ZNF385C: variants seen among roughly 807,000 people sequenced by gnomAD.
ZNF385C encodes CTD-2132N18.2.
Under a neutral mutation model 35.4 loss-of-function variants are expected in ZNF385C, and 28 were observed. The ratio of observed to expected loss-of-function variants is 0.79; its 90% CI spans 0.59 to 1.08. The LOEUF (loss-of-function observed/expected upper bound fraction) is 1.08, where lower values mean the gene tolerates loss of function less well. Among genes scored for constraint, ZNF385C ranks in the 50% least tolerant of loss-of-function variants. ZNF385C has a pLI of 0.00. For missense variants in ZNF385C, 605 were observed against 595.6 expected (o/e 1.02, Z -0.16); for synonymous variants, 248 against 248.2 (o/e 1.00, Z 0.01).
chr17:42,063,030 T>C lies in ZNF385C; in HGVS notation c.27A>G (p.Pro9=), dbSNP rs1250570258. 2 of 667,508 alleles carry C rather than the reference T, an allele frequency of 3.0e-6. No homozygotes were observed. The allele number at this position is 667,508 out of a possible 1,614,324, so 41.3% of individuals were successfully genotyped here. The change falls in exon 2 of 9, where the codon CCA becomes CCG. Residue 9 remains proline (P), a synonymous_variant. Transcript: ENST00000692273. Reference sequence around the variant, plus strand: ...ATATGGGGGTCTCCTTCTCAGCCGGTGGGGGTGGGCTCAGTGGCCGCTTCA... The same window carrying C: ...ATATGGGGGTCTCCTTCTCAGCCGGCGGGGGTGGGCTCAGTGGCCGCTTCA... MKRPLSPP[P]PAEKETPISG...
At chr17:42,030,797 T>A (rs1555654922) in intron 5 of ZNF385C, among the ~76,000 whole-genome samples, 1 of 152,008 alleles carries the variant, frequency 6.6e-6, no homozygotes, top group Non-Finnish European at 1.5e-5. Context: ...AAAGAGCTTG[T>A]GGAAACACAG....
chr17:42,055,143 C>A (rs2053353026), intron 2 of ZNF385C, among the ~76,000 whole-genome samples: 1 of 152,192 alleles, frequency 6.6e-6, no homozygotes, highest in Non-Finnish European at 1.5e-5. Context: ...AGACAATAAC[C>A]TGTAATCTCT....
At chr17:42,035,754 T>C (rs1555655385) in intron 3 of ZNF385C, among the ~76,000 whole-genome samples, 1 of 151,812 alleles carries the variant, frequency 6.6e-6, no homozygotes, top group African/African-American at 2.4e-5. Context: ...GGTTTCACCA[T>C]GTTGGCCAGG....
At chr17:42,096,336 G>A (rs1215978538) in intron 1 of ZNF385C, among the ~76,000 whole-genome samples, 1 of 152,238 alleles carries the variant, frequency 6.6e-6, no homozygotes, top group Non-Finnish European at 1.5e-5. Flanking sequence ...CAGAGTCACA[G>A]GTATGGAGAA....
chr17:42,044,461 A>C (rs1246967861), intron 2 of ZNF385C, among the ~76,000 whole-genome samples: 1 of 151,980 alleles, frequency 6.6e-6, no homozygotes, highest in African/African-American at 2.4e-5. Flanking sequence ...TACTAAAGGT[A>C]ACAAAATTAG....
intron 3 of ZNF385C, 143 bp downstream of exon 3, chr17:42,037,594 G>A: frequency 9.8e-7 from 1 of 1,022,422 alleles, no homozygotes; most frequent in Non-Finnish European, 1.4e-6. Context: ...TCCCTATTTG[G>A]GGAGCACCTA....
chr17:42,063,640 G>A (rs893046889), intron 1 of ZNF385C, among the ~76,000 whole-genome samples: 5 of 152,196 alleles, frequency 3.3e-5, no homozygotes, highest in Admixed American at 2.6e-4. Context: ...CTGGGGACTC[G>A]GAGGGCCGCA....
rs1555654670 is a variant in ZNF385C, at chr17:42,028,909, C to T, written c.841G>A (p.Glu281Lys). The T allele has an allele frequency of 2.6e-6, 4 of 1,550,466 alleles. No homozygotes were observed. The highest frequency in any genetic ancestry group is 2.6e-6 in the Non-Finnish European group (3 of 1,147,010). ...PEPGREAPGPEPAAAAVGSSM... is the reference protein window; with the variant it reads ...PEPGREAPGPKPAAAAVGSSM... ...CTTCCCACGGCAGCTGCCGCTGGCT[C>T]AGGCCCCGGTGCCTCTCTCCCAGGC... Residue 281 changes from glutamate to lysine, a missense_variant, in exon 6 of 9, where the codon GAG becomes AAG. Glu to Lys is a moderately conservative substitution (Grantham distance 56). Coordinates refer to ENST00000692273, the MANE Select transcript of ZNF385C (RefSeq NM_001392013.1).
intron 7 of ZNF385C, 21 bp downstream of exon 7, chr17:42,028,029 T>G: frequency 1.9e-6 from 3 of 1,606,402 alleles, no homozygotes. Context: ...CCAACCCCAG[T>G]CACAGCCTCA....
rs782247550 is a variant in ZNF385C, at chr17:42,038,037, GCC to G, written c.251-154_251-153del. ...ACCAGCCAGACCCATAGTGATTATA[GCC>G]CCCTTCTCTGTGCCCTTCCTCCCCA... On this transcript the variant is annotated intron_variant, in intron 2 of 8. Transcript: ENST00000692273. 9 of 1,535,740 alleles carry G rather than the reference GCC, an allele frequency of 5.9e-6. No individual in the cohort carries two copies. The South Asian group carries it at 1.1e-4, about 18-fold the overall frequency.
intron 1 of ZNF385C, among the ~76,000 whole-genome samples, chr17:42,063,822 G>A (rs546746924): frequency 5.9e-5 from 9 of 152,294 alleles, no homozygotes; most frequent in African/African-American, 1.4e-4. Context: ...TACTGGAGAC[G>A]CAGCAGCCGC....
At position 42,095,568 on chromosome 17, in the gene ZNF385C, A is replaced by G. The variant is rs546328301; in HGVS notation, c.-3+2842T>C. 6.6e-6 allele frequency among the ~76,000 whole-genome samples: 1 copy of G among 152,220 alleles called. No individual in the cohort carries two copies. Among genetic ancestry groups the G allele is most frequent in the East Asian group, 1.9e-4 (1 of 5,178 alleles). On this transcript the variant is annotated intron_variant, in intron 1 of 8. Transcript: ENST00000692273. This position sits in a 1 kb window ranked among gnomAD's most constrained non-coding sequence, Gnocchi z 4.4. ...GACCCACACCCTCACCACACACAGGAGAGAAGTAACCTCTCCTCCCCAGCC... is the reference window on the plus strand; with the variant it reads ...GACCCACACCCTCACCACACACAGGGGAGAAGTAACCTCTCCTCCCCAGCC...
At chr17:42,068,001 T>C (rs1009236946) in intron 1 of ZNF385C, among the ~76,000 whole-genome samples, 61 of 152,328 alleles carry the variant, frequency 4.0e-4, no homozygotes, top group African/African-American at 1.4e-3. Flanking sequence ...ATATAGCCTC[T>C]GGGCTCACGG....
intron 3 of ZNF385C, among the ~76,000 whole-genome samples, chr17:42,036,950 A>G (rs1555655536): frequency 6.6e-6 from 1 of 152,198 alleles, no homozygotes; most frequent in Non-Finnish European, 1.5e-5. Flanking sequence ...TTCAAAATTT[A>G]AAAAAACAGA....
At chr17:42,064,816 T>A (rs1036977312) in intron 1 of ZNF385C, among the ~76,000 whole-genome samples, 2 of 150,684 alleles carry the variant, frequency 1.3e-5, no homozygotes, top group Non-Finnish European at 3.0e-5. Context: ...CCTCCCACCT[T>A]GGCCTCCCAC....
chr17:42,043,253 G>A (rs1430281966), intron 2 of ZNF385C: 2 of 1,232,172 alleles, frequency 1.6e-6, no homozygotes, highest in Non-Finnish European at 2.0e-6. Flanking sequence ...CAGAACATCA[G>A]CTTCCGCTCA....
At chr17:42,040,378 C>T in intron 2 of ZNF385C, 1 of 1,231,958 alleles carries the variant, frequency 8.1e-7, no homozygotes, top group Non-Finnish European at 1.0e-6. Context: ...CTGCAGGAAG[C>T]CCTGGAGGCG....
At chr17:42,096,925 C>G (rs1477226519) in intron 1 of ZNF385C, among the ~76,000 whole-genome samples, 2 of 151,104 alleles carry the variant, frequency 1.3e-5, no homozygotes, top group Admixed American at 1.3e-4. Flanking sequence ...GCAGGTTCCC[C>G]CTGGTAGGGG....
intron 1 of ZNF385C, among the ~76,000 whole-genome samples, chr17:42,078,495 A>G (rs1203754720): frequency 6.6e-6 from 1 of 152,084 alleles, no homozygotes; most frequent in African/African-American, 2.4e-5. Flanking sequence ...AACCCAGTGC[A>G]ACCTCCCTGC....
Sources: gnomAD v4.1 joint callset for allele counts (sites outside exome capture counted in the v4.1 genomes callset) on GRCh38, gnomAD v4.1.1 for gene constraint, Gnocchi (gnomAD v3.1) non-coding constraint, MANE v1.5 for transcripts, NCBI Gene and HGNC (gene_info 2026-07-23, HGNC 2026-07-21) for gene names.